STK32A: variants seen among roughly 807,000 people sequenced by gnomAD.
STK32A encodes serine/threonine kinase 32A.
A neutral mutation model predicts 53.2 loss-of-function variants in STK32A; 41 were observed. The observed-to-expected ratio is 0.77, with a 90% CI of 0.60 to 1.00. The LOEUF (loss-of-function observed/expected upper bound fraction) is 1.00. Among genes scored for constraint, STK32A ranks in the 50% least tolerant of loss-of-function variants. STK32A has a pLI of 0.00. For synonymous variants in STK32A, 166 were observed against 162.8 expected (o/e 1.02, Z -0.15); for missense variants, 458 against 485.8 (o/e 0.94, Z 0.54).
intron 4 of STK32A, among the ~76,000 whole-genome samples, chr5:147,279,836 G>T (rs1420575635): frequency 6.6e-6 from 1 of 152,136 alleles, no homozygotes; most frequent in Admixed American, 6.5e-5. Context: ...GAGGTCCTAG[G>T]TGAAACCTAG....
chr5:147,395,660 G>A, the STK32A span: 2 of 1,614,122 alleles, frequency 1.2e-6, no homozygotes, highest in Non-Finnish European at 1.7e-6. Flanking sequence ...TTTGGGGGTG[G>A]TGGTCAGGTC....
chr5:147,343,778 T>C (rs1229644167), intron 6 of STK32A, among the ~76,000 whole-genome samples: 1 of 152,226 alleles, frequency 6.6e-6, no homozygotes, highest in African/African-American at 2.4e-5. Flanking sequence ...TCAGAAAAGA[T>C]ATCAAGTTTT....
At chr5:147,367,670 C>T (rs1386611168) in intron 8 of STK32A, among the ~76,000 whole-genome samples, 1 of 152,092 alleles carries the variant, frequency 6.6e-6, no homozygotes, top group Non-Finnish European at 1.5e-5. Context: ...GTAGTGTCAT[C>T]AGTTAAGGCA....
chr5:147,383,404 A>G (rs1757528373), intron 11 of STK32A, 37 bp from the exon 12 acceptor site: 2 of 1,542,170 alleles, frequency 1.3e-6, no homozygotes, highest in South Asian at 1.2e-5. Flanking sequence ...TTGTCTGCTA[A>G]CTATACCTCT....
At chr5:147,321,604 A>C (rs1345691062) in intron 4 of STK32A, among the ~76,000 whole-genome samples, 1 of 152,152 alleles carries the variant, frequency 6.6e-6, no homozygotes, top group Non-Finnish European at 1.5e-5. Context: ...CACCTTTATC[A>C]CTTTGTTCTT....
chr5:147,310,829 AG>A, intron 4 of STK32A, among the ~76,000 whole-genome samples: 1 of 152,216 alleles, frequency 6.6e-6, no homozygotes, highest in Middle Eastern at 3.4e-3. Flanking sequence ...TTATTCTCTG[AG>A]GTGGCCATCT....
At chr5:147,287,178 C>T (rs1752384952) in intron 4 of STK32A, among the ~76,000 whole-genome samples, 1 of 152,148 alleles carries the variant, frequency 6.6e-6, no homozygotes, top group African/African-American at 2.4e-5. Context: ...TTTCCATAAT[C>T]CAAGGCATAG....
At chr5:147,400,816 G>C in the STK32A span, 4 of 1,613,958 alleles carry the variant, frequency 2.5e-6, no homozygotes, top group Non-Finnish European at 3.4e-6. Context: ...GGCACTCCCA[G>C]ATAGCTGCAG....
intron 6 of STK32A, among the ~76,000 whole-genome samples, chr5:147,345,641 G>A (rs759487159): frequency 1.6e-4 from 25 of 151,718 alleles, no homozygotes; most frequent in Non-Finnish European, 2.5e-4. Context: ...TACACTTTCC[G>A]TGTACATTCT....
chr5:147,312,293 G>A (rs1753741779), intron 4 of STK32A, among the ~76,000 whole-genome samples: 2 of 152,006 alleles, frequency 1.3e-5, no homozygotes, highest in South Asian at 2.1e-4. Context: ...TAGTAGAGAC[G>A]GGGTTTTGCC....
intron 1 of STK32A, among the ~76,000 whole-genome samples, chr5:147,236,619 G>A (rs958805733): frequency 6.6e-6 from 1 of 152,136 alleles, no homozygotes; most frequent in Non-Finnish European, 1.5e-5. Flanking sequence ...GTGCAATGAA[G>A]AAGATACTAA....
chr5:147,319,020 G>A (rs1754159621), intron 4 of STK32A, among the ~76,000 whole-genome samples: 1 of 152,044 alleles, frequency 6.6e-6, no homozygotes, highest in Non-Finnish European at 1.5e-5. Context: ...AACTTATACA[G>A]AGAGAATTTA....
intron 2 of STK32A, among the ~76,000 whole-genome samples, chr5:147,256,130 G>C (rs1754225480): frequency 6.6e-6 from 1 of 152,276 alleles, no homozygotes; most frequent in African/African-American, 2.4e-5. Flanking sequence ...GGATGAATAA[G>C]GGCTGACTGA....
the STK32A span, chr5:147,395,632 G>A: frequency 1.9e-6 from 3 of 1,614,134 alleles, no homozygotes; most frequent in Non-Finnish European, 2.5e-6. Flanking sequence ...CCCGAGCAGA[G>A]CCTGCGGGGG....
At position 147,384,473 on chromosome 5, in the gene STK32A, A is replaced by G. The variant is rs758232400; in HGVS notation, c.*490A>G. The G allele has an allele frequency of 1.8e-4, 275 of 1,491,190 alleles. No individual in the cohort carries two copies. The highest frequency in any genetic ancestry group is 2.5e-4 in the Non-Finnish European group (272 of 1,109,158). 92.4% of individuals were successfully genotyped at this position (1,491,190 alleles called of 1,614,324 possible). A position where few individuals can be genotyped will look rare whatever the true frequency, so the allele number is the denominator to read the frequency against. ...TGCCCCAGGCTACTTGGATAAAGAT[A>G]AGGAATTCTATCAGGGAGGCATGAA... On this transcript the variant is annotated 3_prime_UTR_variant, in exon 13 of 13. Transcript: ENST00000397936.
At chr5:147,347,484 TTTGA>T (rs956667995) in intron 6 of STK32A, among the ~76,000 whole-genome samples, 6 of 152,280 alleles carry the variant, frequency 3.9e-5, no homozygotes, top group African/African-American at 1.4e-4. Context: ...TGGAGACATT[TTTGA>T]TTATCAGGAT....
rs1220040888 is a variant in STK32A at position 147,386,482 on chromosome 5, A to T, written c.*2499A>T. 1 of 152,192 alleles carries T rather than the reference A, an allele frequency of 6.6e-6. No homozygotes were observed. The highest frequency in any genetic ancestry group is 1.5e-5 in the Non-Finnish European group (1 of 68,040). 9.4% of individuals were successfully genotyped at this position (152,192 alleles called of 1,614,324 possible). ...CTTTGGGAAATTTTTCTGTAATTAC[A>T]CTTACCAAAGAGCCATGGAACCATT... On this transcript the variant is annotated 3_prime_UTR_variant, in exon 13 of 13. Coordinates refer to ENST00000397936, the MANE Select transcript of STK32A (RefSeq NM_001112724.2).
At chr5:147,323,758 T>C in intron 4 of STK32A, 140 bp from the exon 5 acceptor site, 1 of 640,686 alleles carries the variant, frequency 1.6e-6, no homozygotes, top group Non-Finnish European at 2.7e-6. Context: ...GTGATAGAGC[T>C]AGTGATAGAC....
intron 2 of STK32A, among the ~76,000 whole-genome samples, chr5:147,254,691 T>C (rs1274520588): frequency 6.6e-6 from 1 of 152,108 alleles, no homozygotes; most frequent in Non-Finnish European, 1.5e-5. Flanking sequence ...TAATTCTGAT[T>C]GGCTAATTTA....
Sources: allele counts gnomAD v4.1 joint callset (sites outside exome capture counted in the v4.1 genomes callset), GRCh38; gene constraint gnomAD v4.1.1; transcripts MANE v1.5; gene names NCBI Gene and HGNC (gene_info 2026-07-23, HGNC 2026-07-21).